TTC9: variants seen among roughly 807,000 people sequenced by gnomAD.
The protein encoded by TTC9 is tetratricopeptide repeat domain 9.
TTC9 carries 13 observed loss-of-function variants against 22.9 expected under a neutral mutation model. That is an observed-to-expected ratio of 0.57 (90% CI 0.37 to 0.90). The LOEUF (loss-of-function observed/expected upper bound fraction) is 0.90. Among genes scored for constraint, TTC9 ranks in the 40% least tolerant of loss-of-function variants. TTC9 has a pLI of 0.01. For synonymous variants in TTC9, 148 were observed against 133.2 expected, an observed-to-expected ratio of 1.11 and a Z score of -0.77; for missense variants, 280 against 291.8, an observed-to-expected ratio of 0.96 and a Z score of 0.29.
chr14:70,658,778 G>C (rs34925522), intron 1 of TTC9, among the ~76,000 whole-genome samples: 1 of 151,980 alleles, frequency 6.6e-6, no homozygotes, highest in Non-Finnish European at 1.5e-5. Context: ...AACTTTATTC[G>C]TAATAATCAA....
rs1344755947 is a variant in TTC9, at chr14:70,671,660, A to G, written c.*505A>G. Reference sequence around the variant, plus strand: ...GGTGAAGCCAACATAGAGACTGTCAATGTGTACACTGGAGTTCCCACCCCC... The same window carrying G: ...GGTGAAGCCAACATAGAGACTGTCAGTGTGTACACTGGAGTTCCCACCCCC... On this transcript the variant is annotated 3_prime_UTR_variant, in exon 3 of 3. Transcript: ENST00000256367. 2 of 154,952 alleles carry G rather than the reference A, an allele frequency of 1.3e-5. No homozygotes were observed. The highest frequency in any genetic ancestry group is 1.9e-4 in the East Asian group (1 of 5,242). The allele number at this position is 154,952 out of a possible 1,614,324, so 9.6% of individuals were successfully genotyped here.
chr14:70,667,619 C>T lies in TTC9; in HGVS notation c.462C>T (p.Leu154=). ...ATGAACGAGTCAAGGAATATTGCCT[C>T]AAAGTCTTGAAGAAGGAAGGGGAGA... ...VNYERVKEYC[L]KVLKKEGENF... is the part of the protein sequence containing the mutation. Residue 154 remains leucine (L), a synonymous_variant, in exon 2 of 3, where the codon CTC becomes CTT. Transcript: ENST00000256367. The T allele has an allele frequency of 1.2e-6, 2 of 1,613,998 alleles. No homozygotes were observed. Among genetic ancestry groups the T allele is most frequent in the Non-Finnish European group, 1.7e-6 (2 of 1,179,896 alleles).
rs1886290578 is a variant in TTC9 at position 70,671,243 on chromosome 14, C to A, written c.*88C>A. 4 of 1,112,796 alleles carry A rather than the reference C, an allele frequency of 3.6e-6. No homozygotes were observed. The South Asian group carries it at 5.4e-5, about 15-fold the overall frequency. 68.9% of individuals were successfully genotyped at this position (1,112,796 alleles called of 1,614,324 possible). ...GAGAGCCCCGTCCTGGATTCTGTCC[C>A]TTTCTCCCCACTTCTTCTGGCTCCT... On this transcript the variant is annotated 3_prime_UTR_variant, in exon 3 of 3. Coordinates refer to ENST00000256367, the MANE Select transcript of TTC9 (RefSeq NM_015351.2).
intron 1 of TTC9, among the ~76,000 whole-genome samples, chr14:70,651,180 C>T (rs1377168793): frequency 6.6e-6 from 1 of 152,164 alleles, no homozygotes; most frequent in Non-Finnish European, 1.5e-5. Flanking sequence ...TGGGGTTTCG[C>T]TATGTTGGCC....
chr14:70,667,874 T>C, intron 2 of TTC9, 128 bp downstream of exon 2: 1 of 896,586 alleles, frequency 1.1e-6, no homozygotes, highest in Non-Finnish European at 1.7e-6. Context: ...AGGGATCAGA[T>C]ATATATGATA....
rs1469522657 is a variant in TTC9, at chr14:70,642,281, C to G, written c.152C>G (p.Ala51Gly). 2 of 1,518,278 alleles carry G rather than the reference C, an allele frequency of 1.3e-6. No homozygotes were observed. The highest frequency in any genetic ancestry group is 1.8e-6 in the Non-Finnish European group (2 of 1,134,294). The allele number at this position is 1,518,278 out of a possible 1,614,324, so 94.1% of individuals were successfully genotyped here. ...RGQVGAAAEP[A>G]ELIRRAHEFK... ...CAGGTCGGGGCGGCGGCCGAGCCGG[C>G]CGAGCTCATCCGACGAGCGCACGAG... Residue 51 changes from alanine to glycine, a missense_variant, in exon 1 of 3, where the codon GCC (alanine) becomes GGC (glycine). Ala to Gly is a moderately conservative substitution (Grantham distance 60). This residue lies in a region of TTC9 where 165 missense variants were observed against 145.4 expected (regional missense o/e 1.14). Coordinates refer to ENST00000256367, the MANE Select transcript of TTC9 (RefSeq NM_015351.2).
rs1186311765 is a variant in TTC9 at position 70,674,424 on chromosome 14, C to A, written c.*3269C>A. On this transcript the variant is annotated 3_prime_UTR_variant, in exon 3 of 3. Coordinates refer to ENST00000256367, the MANE Select transcript of TTC9 (RefSeq NM_015351.2). ...TTTGGTGTAAATGTACACACGCACA[C>A]ACAGTTGTGGATTTTTTTAAACAAA... 6.6e-6 allele frequency: 1 copy of A among 152,176 alleles called. No individual in the cohort carries two copies. The highest frequency in any genetic ancestry group is 1.5e-5 in the Non-Finnish European group (1 of 68,050). The allele number at this position is 152,176 out of a possible 1,614,324, so 9.4% of individuals were successfully genotyped here.
chr14:70,662,459 G>T (rs1308808304), intron 1 of TTC9, among the ~76,000 whole-genome samples: 1 of 149,792 alleles, frequency 6.7e-6, no homozygotes, highest in Non-Finnish European at 1.5e-5. Context: ...TCTAATTGTT[G>T]TCTTACAGAA....
intron 1 of TTC9, 64 bp from the exon 2 acceptor site, chr14:70,667,500 C>G: frequency 6.3e-7 from 1 of 1,581,218 alleles, no homozygotes; most frequent in Non-Finnish European, 8.7e-7. Context: ...AGAAGCAACT[C>G]AAGGGAAACA....
chr14:70,646,542 A>C lies in TTC9; in HGVS notation c.406+4007A>C, dbSNP rs374996625. ...CACAATAACTTTGTTGGTATTTTCA[A>C]ATGATGTTCAAGGCTCGAATGCCAG... On this transcript the variant is annotated intron_variant, in intron 1 of 2. Coordinates refer to ENST00000256367, the MANE Select transcript of TTC9 (RefSeq NM_015351.2). 1.1e-4 allele frequency among the ~76,000 whole-genome samples: 17 copies of C among 152,298 alleles called. No homozygotes were observed. The East Asian group carries it at 1.7e-3, about 16-fold the overall frequency.
chr14:70,664,084 T>C (rs1886180230), intron 1 of TTC9, among the ~76,000 whole-genome samples: 1 of 152,042 alleles, frequency 6.6e-6, no homozygotes, highest in African/African-American at 2.4e-5. Flanking sequence ...ACATAGTGTA[T>C]GTGAAGTATT....
intron 2 of TTC9, among the ~76,000 whole-genome samples, chr14:70,668,076 A>C (rs1212763885): frequency 6.6e-6 from 1 of 152,242 alleles, no homozygotes; most frequent in Non-Finnish European, 1.5e-5. Flanking sequence ...GCTAAGCACC[A>C]AGGGAATCAA....
Position 70,652,616 on chromosome 14 carries a change from C to G in TTC9, c.406+10081C>G, listed in dbSNP as rs765492218. On this transcript the variant is annotated intron_variant, in intron 1 of 2. Coordinates refer to ENST00000256367, the MANE Select transcript of TTC9 (RefSeq NM_015351.2). ...AAAACAAAAGCTTTTGATAAACAGA[C>G]TGGCAAGAGTTTGAGAGAACAGTTG... 6.4e-4 allele frequency among the ~76,000 whole-genome samples: 97 copies of G among 152,226 alleles called. 2 individuals are homozygous for G. Among genetic ancestry groups the G allele is most frequent in the Admixed American group, 1.3e-4 (2 of 15,290 alleles).
At chr14:70,642,570 C>T in intron 1 of TTC9, 35 bp downstream of exon 1, 4 of 1,513,072 alleles carry the variant, frequency 2.6e-6, no homozygotes, top group Admixed American at 2.1e-5. Context: ...CCGCGGTCCC[C>T]GTTCTTCGGC....
At chr14:70,666,417 C>T (rs988261066) in intron 1 of TTC9, among the ~76,000 whole-genome samples, 2 of 152,134 alleles carry the variant, frequency 1.3e-5, no homozygotes, top group African/African-American at 4.8e-5. Flanking sequence ...ACCAGAAAGC[C>T]CCCTCTCTCA....
At chr14:70,668,094 A>T (rs1449270837) in intron 2 of TTC9, among the ~76,000 whole-genome samples, 1 of 152,216 alleles carries the variant, frequency 6.6e-6, no homozygotes, top group East Asian at 1.9e-4. Context: ...CAATGAAAAG[A>T]CACTGCCGCT....
At chr14:70,667,491 G>C (rs1401027038) in intron 1 of TTC9, 73 bp from the exon 2 acceptor site, 23 of 1,548,374 alleles carry the variant, frequency 1.5e-5, no homozygotes, top group Non-Finnish European at 1.9e-5. Flanking sequence ...CCTCTGGAGA[G>C]AAGCAACTCA....
At chr14:70,659,960 G>A (rs565759461) in intron 1 of TTC9, among the ~76,000 whole-genome samples, 14 of 152,354 alleles carry the variant, frequency 9.2e-5, no homozygotes, top group African/African-American at 3.4e-4. Context: ...CTAGAAGCTA[G>A]AATAGATTGC....
intron 1 of TTC9, among the ~76,000 whole-genome samples, chr14:70,652,856 A>G (rs1209599550): frequency 6.6e-6 from 1 of 152,236 alleles, no homozygotes; most frequent in Non-Finnish European, 1.5e-5. Context: ...TGATGCCTAT[A>G]CAGAGAGGGG....
Sources: gnomAD v4.1 joint callset for allele counts (sites outside exome capture counted in the v4.1 genomes callset) on GRCh38, gnomAD v4.1.1 for gene constraint, gnomAD v4.1.1 regional missense constraint, MANE v1.5 for transcripts, NCBI Gene and HGNC (gene_info 2026-07-23, HGNC 2026-07-21) for gene names.